LCTL: variants seen among roughly 807,000 people sequenced by gnomAD.
LCTL encodes lactase-like protein.
In LCTL, 76 loss-of-function variants were observed where a neutral mutation model predicts 75.8. The ratio of observed to expected loss-of-function variants is 1.00; its 90% CI spans 0.83 to 1.21. The LOEUF (loss-of-function observed/expected upper bound fraction) is 1.21. Ranked by LOEUF, LCTL falls within the 50% of genes most tolerant of loss-of-function variation. The pLI, the probability that LCTL is intolerant of heterozygous loss-of-function variation, is 0.00. For missense variants in LCTL, 670 were observed against 712.4 expected (o/e 0.94, Z 0.68); for synonymous variants, 271 against 268.8 (o/e 1.01, Z -0.08).
intron 4 of LCTL, 86 bp downstream of exon 5, chr15:66,563,430 C>T: frequency 1.2e-6 from 1 of 817,336 alleles, no homozygotes; most frequent in Non-Finnish European, 2.0e-6. Flanking sequence ...GTCTCTGCTC[C>T]ACCTTGGCAA....
chr15:66,557,755 C>G (rs779333016), exon 8 of LCTL: 4 of 1,613,972 alleles, frequency 2.5e-6, no homozygotes, highest in Non-Finnish European at 3.4e-6. Flanking sequence ...GGGTAGTCAC[C>G]GGCATAAATG....
intron 4 of LCTL, among the ~76,000 whole-genome samples, chr15:66,563,294 C>T (rs534261475): frequency 2.0e-4 from 30 of 152,292 alleles, no homozygotes; most frequent in South Asian, 1.9e-3. Context: ...GATACATTCC[C>T]GTTCTTTACA....
chr15:66,563,800 C>T, intron 3 of LCTL, 111 bp downstream of exon 4: 1 of 925,196 alleles, frequency 1.1e-6, no homozygotes, highest in Non-Finnish European at 1.7e-6. Flanking sequence ...CTACCGTCAG[C>T]AACTACGTTC....
At chr15:66,558,755 G>A (rs1895807152) in intron 6 of LCTL, among the ~76,000 whole-genome samples, 1 of 147,756 alleles carries the variant, frequency 6.8e-6, no homozygotes, top group African/African-American at 2.5e-5. Flanking sequence ...GAGTGCAGTG[G>A]TACAATCTTG....
At chr15:66,550,096 A>C (rs1243484257) in exon 12 of LCTL, 2 of 1,599,194 alleles carry the variant, frequency 1.3e-6, no homozygotes, top group Admixed American at 1.7e-5. Context: ...TGAGGTACCA[A>C]CTTTCCACCT....
exon 3 of LCTL, chr15:66,563,964 T>C: frequency 1.9e-6 from 3 of 1,614,042 alleles, no homozygotes; most frequent in South Asian, 2.2e-5. Context: ...TCGGTAGTGG[T>C]TGACGTGCAG....
rs781218160 is a variant in LCTL, at chr15:66,565,391, A to G, written c.-26T>C. 1 of 1,460,232 alleles carries G rather than the reference A, an allele frequency of 6.8e-7. No individual in the cohort carries two copies. The highest frequency in any genetic ancestry group is 1.2e-5 in the South Asian group (1 of 84,152). The allele number at this position is 1,460,232 out of a possible 1,614,324, so 90.5% of individuals were successfully genotyped here. On this transcript the variant is annotated 5_prime_UTR_variant, in exon 1 of 13. Transcript: ENST00000341509. ...GGTGCCTGGCCCTCCCCCATACCTG[A>G]AAAAGTGCAGCTGGCTCTGCAGGCC...
intron 2 of LCTL, 171 bp downstream of exon 3, chr15:66,564,505 C>T (rs1895971921): frequency 1.4e-6 from 1 of 715,466 alleles, no homozygotes; most frequent in Non-Finnish European, 2.2e-6. Flanking sequence ...CCTTCACCCC[C>T]ACTGGCCCTG....
At chr15:66,548,732 C>A in intron 12 of LCTL, 127 bp from the exon 14 acceptor site, 1 of 506,026 alleles carries the variant, frequency 2.0e-6, no homozygotes, top group Non-Finnish European at 3.6e-6. Context: ...TTTTCTGATT[C>A]TTATTTGCCA....
chr15:66,563,978 C>T (rs376612828), exon 3 of LCTL: 30 of 1,613,874 alleles, frequency 1.9e-5, no homozygotes, highest in East Asian at 1.1e-4. Context: ...CGTGCAGTTC[C>T]CTCAGCAGAA....
chr15:66,563,051 C>T (rs927677219), intron 4 of LCTL, among the ~76,000 whole-genome samples: 3 of 152,144 alleles, frequency 2.0e-5, no homozygotes, highest in Admixed American at 6.5e-5. Flanking sequence ...GTTTCTGTCC[C>T]CTGGAATTCA....
chr15:66,552,993 G>C, exon 9 of LCTL: 2 of 1,458,528 alleles, frequency 1.4e-6, no homozygotes, highest in South Asian at 3.1e-5. Context: ...CCTGAGCAAA[G>C]TTAAGGAGCC....
At chr15:66,552,904 A>G in intron 9 of LCTL, 80 bp downstream of exon 10, 1 of 1,257,132 alleles carries the variant, frequency 8.0e-7, no homozygotes, top group Non-Finnish European at 1.1e-6. Context: ...TTAACTTTCT[A>G]ATGTAGGCAC....
chr15:66,549,852 A>G (rs913743783), intron 12 of LCTL, 189 bp downstream of exon 13: 21 of 449,450 alleles, frequency 4.7e-5, no homozygotes, highest in African/African-American at 3.9e-4. Context: ...TTTATCTTTC[A>G]TGGTAGATTA....
At chr15:66,558,694 T>G (rs1176943501) in intron 6 of LCTL, among the ~76,000 whole-genome samples, 109 of 149,242 alleles carry the variant, frequency 7.3e-4, no homozygotes, top group African/African-American at 2.5e-3. Context: ...TGTGTTTTTT[T>G]TTTTTTTTTT....
chr15:66,551,816 A>G, exon 11 of LCTL: 4 of 1,613,948 alleles, frequency 2.5e-6, no homozygotes, highest in Non-Finnish European at 3.4e-6. Flanking sequence ...CTTATCCAAC[A>G]GAGACCAGGA....
intron 8 of LCTL, among the ~76,000 whole-genome samples, chr15:66,556,459 C>A (rs1287969953): frequency 6.6e-6 from 1 of 152,178 alleles, no homozygotes; most frequent in Non-Finnish European, 1.5e-5. Context: ...GGCCTACCAC[C>A]ATGCCCAGCT....
chr15:66,564,889 A>C, intron 1 of LCTL, 50 bp from the exon 3 acceptor site: 16 of 1,571,258 alleles, frequency 1.0e-5, no homozygotes, highest in Non-Finnish European at 1.4e-5. Context: ...TGTGTCACCC[A>C]GAGCCAGGAC....
intron 6 of LCTL, 120 bp downstream of exon 7, chr15:66,560,886 G>A: frequency 1.3e-6 from 1 of 771,110 alleles, no homozygotes; most frequent in Non-Finnish European, 2.1e-6. Context: ...CAGAAGGGAA[G>A]GTGCTATGGA....
Sources: allele counts gnomAD v4.1 joint callset (sites outside exome capture counted in the v4.1 genomes callset), GRCh38; gene constraint gnomAD v4.1.1; transcripts MANE v1.5; gene names NCBI Gene and HGNC (gene_info 2026-07-23, HGNC 2026-07-21).